MSRB3: variants seen among roughly 807,000 people sequenced by gnomAD.
MSRB3 encodes methionine-R-sulfoxide reductase B3.
Under a neutral mutation model 21.0 loss-of-function variants are expected in MSRB3, and 13 were observed. That is an observed-to-expected ratio of 0.62 (90% CI 0.40 to 0.98). MSRB3 has a LOEUF of 0.98. Among genes scored for constraint, MSRB3 ranks in the 50% least tolerant of loss-of-function variants. The pLI, the probability that MSRB3 is intolerant of heterozygous loss-of-function variation, is 0.00. For missense variants in MSRB3, 199 were observed against 230.3 expected (o/e 0.86, Z 0.88); for synonymous variants, 87 against 88.6 (o/e 0.98, Z 0.10).
intron 1 of MSRB3, among the ~76,000 whole-genome samples, chr12:65,288,939 A>G (rs1293698244): frequency 6.6e-6 from 1 of 152,212 alleles, no homozygotes; most frequent in Non-Finnish European, 1.5e-5. Context: ...AATATTTTAT[A>G]CACAAAAAAG....
intron 6 of MSRB3, among the ~76,000 whole-genome samples, chr12:65,455,521 TTC>T (rs750530172): frequency 7.9e-5 from 12 of 152,136 alleles, no homozygotes; most frequent in Non-Finnish European, 1.8e-4. Context: ...AGGTCCTTTT[TTC>T]TCTCTGTTAT....
chr12:65,359,875 TAGA>T (rs1288086528), intron 4 of MSRB3, among the ~76,000 whole-genome samples: 1 of 152,144 alleles, frequency 6.6e-6, no homozygotes, highest in East Asian at 1.9e-4. Flanking sequence ...TGGCTGACTG[TAGA>T]AGAAGTGAAA....
At chr12:65,358,657 G>T (rs1877528435) in intron 4 of MSRB3, among the ~76,000 whole-genome samples, 1 of 151,826 alleles carries the variant, frequency 6.6e-6, no homozygotes, top group Non-Finnish European at 1.5e-5. Flanking sequence ...TTTCTTCAAG[G>T]AGTCCTGGTT....
intron 4 of MSRB3, among the ~76,000 whole-genome samples, chr12:65,347,375 G>C (rs1335430065): frequency 2.6e-5 from 4 of 152,082 alleles, no homozygotes; most frequent in African/African-American, 9.7e-5. Context: ...CTCATGATTT[G>C]GCTCTCTGTT....
At chr12:65,393,371 C>T (rs1010557846) in intron 5 of MSRB3, among the ~76,000 whole-genome samples, 6 of 152,136 alleles carry the variant, frequency 3.9e-5, no homozygotes, top group African/African-American at 1.2e-4. Flanking sequence ...CAGTGGCTCA[C>T]GCCTGTAATC....
At chr12:65,444,690 C>T (rs1882534294) in intron 5 of MSRB3, among the ~76,000 whole-genome samples, 1 of 152,132 alleles carries the variant, frequency 6.6e-6, no homozygotes, top group Admixed American at 6.6e-5. Flanking sequence ...GCTTTCCAAT[C>T]TAATACTCAT....
At chr12:65,328,665 C>G (rs1875215546) in intron 4 of MSRB3, 62 bp downstream of exon 4, 1 of 1,078,042 alleles carries the variant, frequency 9.3e-7, no homozygotes, top group African/African-American at 1.5e-5. Context: ...CTAGTTATTG[C>G]TTTTTCATCT....
chr12:65,461,227 T>A (rs933994254), intron 6 of MSRB3, among the ~76,000 whole-genome samples: 12 of 152,162 alleles, frequency 7.9e-5, no homozygotes, highest in Admixed American at 7.2e-4. Flanking sequence ...ACCTTGACTA[T>A]TTTGGTAGGC....
chr12:65,342,628 A>T (rs928060031), intron 4 of MSRB3, among the ~76,000 whole-genome samples: 7 of 152,134 alleles, frequency 4.6e-5, no homozygotes, highest in African/African-American at 1.7e-4. Context: ...ACTTCTAGGA[A>T]CTTATTCCAA....
intron 5 of MSRB3, among the ~76,000 whole-genome samples, chr12:65,390,730 A>G (rs1266265428): frequency 6.6e-6 from 1 of 152,204 alleles, no homozygotes; most frequent in Non-Finnish European, 1.5e-5. Context: ...AATGTCCAAT[A>G]ACAGAGGCAG....
chr12:65,299,689 G>A (rs992199359), intron 1 of MSRB3, among the ~76,000 whole-genome samples: 5 of 152,126 alleles, frequency 3.3e-5, no homozygotes, highest in South Asian at 2.1e-4. Flanking sequence ...GTCAGTTAGC[G>A]TTTTCCAGTC....
intron 5 of MSRB3, among the ~76,000 whole-genome samples, chr12:65,401,930 A>C (rs1880147791): frequency 6.6e-6 from 1 of 152,232 alleles, no homozygotes; most frequent in Non-Finnish European, 1.5e-5. Flanking sequence ...AGAATGTTGA[A>C]TATTGACCCC....
chr12:65,296,216 A>G (rs891672657), intron 1 of MSRB3, among the ~76,000 whole-genome samples: 1 of 152,232 alleles, frequency 6.6e-6, no homozygotes, highest in Non-Finnish European at 1.5e-5. Flanking sequence ...TGGAAAAAGT[A>G]ATCTTAGTTG....
intron 6 of MSRB3, among the ~76,000 whole-genome samples, chr12:65,462,238 C>T (rs1883361783): frequency 6.6e-6 from 1 of 152,166 alleles, no homozygotes; most frequent in Admixed American, 6.5e-5. Context: ...TTCGCCCCAT[C>T]CCTGATGGAA....
chr12:65,374,428 A>G (rs920831653), intron 5 of MSRB3, among the ~76,000 whole-genome samples: 11 of 152,200 alleles, frequency 7.2e-5, no homozygotes, highest in African/African-American at 2.2e-4. Flanking sequence ...TGGTTGGTCC[A>G]TGGTCCATTA....
intron 2 of MSRB3, among the ~76,000 whole-genome samples, chr12:65,326,141 C>G (rs577136318): frequency 8.7e-4 from 133 of 152,248 alleles, no homozygotes; most frequent in African/African-American, 2.9e-3. Flanking sequence ...CTTGAATCTG[C>G]ATTAGTGAAA....
chr12:65,284,425 G>C (rs1363286164), intron 1 of MSRB3: 1 of 152,236 alleles, frequency 6.6e-6, no homozygotes, highest in Non-Finnish European at 1.5e-5. Flanking sequence ...GAAAGAAAGG[G>C]ATGAATAAAA....
chr12:65,435,053 C>T (rs952192419), intron 5 of MSRB3, among the ~76,000 whole-genome samples: 7 of 151,776 alleles, frequency 4.6e-5, no homozygotes, highest in South Asian at 2.1e-4. Context: ...GTAGACTCCA[C>T]GGCACTTAAT....
At position 65,310,666 on chromosome 12, in the gene MSRB3, G is replaced by A. The variant is rs570655576; in HGVS notation, c.76+2011G>A. On this transcript the variant is annotated intron_variant, in intron 2 of 6. Coordinates refer to ENST00000308259, the MANE Select transcript of MSRB3 (RefSeq NM_001031679.3). ...CAAGATATGACAGTCATGGATTAAAGGGTTTCATAATGAGATTGTTTAACT... is the reference window on the plus strand; with the variant it reads ...CAAGATATGACAGTCATGGATTAAAAGGTTTCATAATGAGATTGTTTAACT... Among the ~76,000 whole-genome samples the A allele has an allele frequency of 7.2e-5, 11 of 152,264 alleles. No individual in the cohort carries two copies. In the East Asian group the frequency reaches 1.9e-3, roughly 27 times the overall value.
Sources: gnomAD v4.1 joint callset for allele counts (sites outside exome capture counted in the v4.1 genomes callset) on GRCh38, gnomAD v4.1.1 for gene constraint, MANE v1.5 for transcripts, NCBI Gene and HGNC (gene_info 2026-07-23, HGNC 2026-07-21) for gene names.